The following SLC2A9 variants were observed in gnomAD, a reference collection of about 807,000 sequenced individuals.
SLC2A9 encodes solute carrier family 2 member 9, also known as solute carrier family 2, facilitated glucose transporter member 9.
Under a neutral mutation model 50.6 loss-of-function variants are expected in SLC2A9, and 39 were observed. That is an observed-to-expected ratio of 0.77 (90% CI 0.60 to 1.01). The LOEUF (loss-of-function observed/expected upper bound fraction) is 1.01, where lower values mean the gene tolerates loss of function less well. Among genes scored for constraint, SLC2A9 ranks in the 50% least tolerant of loss-of-function variants. SLC2A9 has a pLI of 0.00. For missense variants in SLC2A9, 686 were observed against 677.6 expected (o/e 1.01, Z -0.14); for synonymous variants, 324 against 276.9 (o/e 1.17, Z -1.69).
chr4:10,023,507 C>A (rs1012850883), upstream of SLC2A9, among the ~76,000 whole-genome samples: 1 of 152,158 alleles, frequency 6.6e-6, no homozygotes, highest in Non-Finnish European at 1.5e-5. Context: ...CCCCTCATCC[C>A]GTTAAAAATT....
At chr4:9,874,633 C>A (rs1733979017) in intron 10 of SLC2A9, among the ~76,000 whole-genome samples, 1 of 152,216 alleles carries the variant, frequency 6.6e-6, no homozygotes, top group Non-Finnish European at 1.5e-5. Context: ...GTAATCCCAG[C>A]TGTGTGCATG....
At chr4:9,939,638 C>T (rs4697913) in intron 6 of SLC2A9, among the ~76,000 whole-genome samples, 36,832 of 151,760 alleles carry the variant, frequency 0.24, 4,751 homozygotes, top group Admixed American at 0.36. Context: ...ATATTACCTA[C>T]TTTCTATGGT....
At chr4:10,031,894 G>A (rs1763950432) in intron 1 of SLC2A9, among the ~76,000 whole-genome samples, 1 of 152,218 alleles carries the variant, frequency 6.6e-6, no homozygotes, top group Non-Finnish European at 1.5e-5. Flanking sequence ...TCACCAAGAG[G>A]TCACAGGCAT....
rs1021735460 is a variant in SLC2A9, at chr4:9,910,308, A to G, written c.1003-1963T>C. 2.6e-5 allele frequency among the ~76,000 whole-genome samples: 4 copies of G among 152,200 alleles called. No homozygotes were observed. The East Asian group carries it at 7.7e-4, about 29-fold the overall frequency. On this transcript the variant is annotated intron_variant, in intron 7 of 11. Coordinates refer to ENST00000264784, the MANE Select transcript of SLC2A9 (RefSeq NM_020041.3). Reference sequence around the variant, plus strand: ...TACAGAGGTAGTGCCTAATAAATCCACTAATTCCTATTGTTCTCAGGGCTG... The same window carrying G: ...TACAGAGGTAGTGCCTAATAAATCCGCTAATTCCTATTGTTCTCAGGGCTG...
intron 5 of SLC2A9, among the ~76,000 whole-genome samples, chr4:9,964,457 G>C (rs1196078718): frequency 2.0e-5 from 3 of 152,136 alleles, no homozygotes; most frequent in African/African-American, 7.2e-5. Context: ...ATCATGCAAT[G>C]GCCTTCAACC....
At chr4:9,858,258 G>A (rs1363552496) in intron 10 of SLC2A9, among the ~76,000 whole-genome samples, 1 of 152,190 alleles carries the variant, frequency 6.6e-6, no homozygotes, top group African/African-American at 2.4e-5. Flanking sequence ...GAGTGGGCAG[G>A]AGCTGGACTT....
intron 3 of SLC2A9, among the ~76,000 whole-genome samples, chr4:9,808,079 G>A (rs2108973832): frequency 6.6e-6 from 1 of 152,348 alleles, no homozygotes; most frequent in East Asian, 1.9e-4. Flanking sequence ...TGGGCTGGGT[G>A]GCTGGCTCCA....
At chr4:10,012,135 G>A (rs78698809) in intron 2 of SLC2A9, among the ~76,000 whole-genome samples, 1,803 of 152,298 alleles carry the variant, frequency 0.012, 42 homozygotes, top group East Asian at 0.07. Context: ...GAAAAACCAC[G>A]CACTATCTGG....
At chr4:9,987,095 G>T (rs911157261) in intron 3 of SLC2A9, among the ~76,000 whole-genome samples, 2 of 152,154 alleles carry the variant, frequency 1.3e-5, no homozygotes, top group Admixed American at 6.5e-5. Flanking sequence ...TAACTAGGTT[G>T]CTGGCAAGCT....
chr4:9,956,545 A>G (rs17245436), intron 5 of SLC2A9, among the ~76,000 whole-genome samples: 73,180 of 151,674 alleles, frequency 0.48, 18,979 homozygotes, highest in African/African-American at 0.67. Context: ...AGCCACCTCC[A>G]CCTATGAGCC....
At chr4:9,948,058 C>T (rs1223903199) in intron 5 of SLC2A9, among the ~76,000 whole-genome samples, 2 of 152,178 alleles carry the variant, frequency 1.3e-5, no homozygotes, top group South Asian at 2.1e-4. Flanking sequence ...CAGCTGGTTG[C>T]CCCTCCCACT....
intron 5 of SLC2A9, among the ~76,000 whole-genome samples, chr4:9,943,778 C>T (rs1748616665): frequency 6.6e-6 from 1 of 152,060 alleles, no homozygotes. Context: ...GGTTTGGCTG[C>T]CGTCTCAGTA....
chr4:9,778,882 C>T (rs557816175), downstream of SLC2A9, among the ~76,000 whole-genome samples: 11 of 151,368 alleles, frequency 7.3e-5, no homozygotes, highest in East Asian at 2.0e-4. Flanking sequence ...TGCAGTGGTG[C>T]GATCTTGGCT....
At chr4:9,926,650 T>C (rs563265077) in intron 6 of SLC2A9, among the ~76,000 whole-genome samples, 2 of 152,166 alleles carry the variant, frequency 1.3e-5, no homozygotes, top group South Asian at 4.2e-4. Flanking sequence ...AACCTTCTGT[T>C]GTGGGTTGAA....
intron 11 of SLC2A9, among the ~76,000 whole-genome samples, chr4:9,834,009 C>T (rs935244322): frequency 6.6e-6 from 1 of 152,140 alleles, no homozygotes; most frequent in African/African-American, 2.4e-5. Flanking sequence ...CTCTCTCTCA[C>T]CCATCTTTCT....
At chr4:9,779,307 G>C (rs1437203613), downstream of SLC2A9, among the ~76,000 whole-genome samples, 2 of 151,908 alleles carry the variant, frequency 1.3e-5, no homozygotes, top group African/African-American at 4.8e-5. Flanking sequence ...CTCCCCAACT[G>C]CTGTACACTT....
intron 1 of SLC2A9, among the ~76,000 whole-genome samples, chr4:10,038,889 C>T (rs1471681046): frequency 6.6e-6 from 1 of 152,170 alleles, no homozygotes; most frequent in Admixed American, 6.5e-5. Context: ...CACACTAGAG[C>T]AGGATCAACA....
chr4:9,783,258 A>G (rs745947661), intron 3 of SLC2A9: 9 of 1,614,224 alleles, frequency 5.6e-6, no homozygotes, highest in Middle Eastern at 1.6e-4. Flanking sequence ...GCAGCTGCCT[A>G]CATCCACATG....
intron 5 of SLC2A9, among the ~76,000 whole-genome samples, chr4:9,977,592 C>T (rs1376281405): frequency 3.6e-5 from 5 of 138,830 alleles, no homozygotes; most frequent in African/African-American, 1.1e-4. Context: ...GTTTTTCTGC[C>T]TCTGAACAAA....
Sources: allele counts gnomAD v4.1 joint callset (sites outside exome capture counted in the v4.1 genomes callset), GRCh38; gene constraint gnomAD v4.1.1; transcripts MANE v1.5; gene names NCBI Gene and HGNC (gene_info 2026-07-23, HGNC 2026-07-21).